PTPRD: variants seen among roughly 807,000 people sequenced by gnomAD.
The protein encoded by PTPRD is protein tyrosine phosphatase receptor type D.
PTPRD carries 34 observed loss-of-function variants against 214.5 expected under a neutral mutation model. The ratio of observed to expected loss-of-function variants is 0.16; its 90% CI spans 0.12 to 0.21. The LOEUF (loss-of-function observed/expected upper bound fraction) is 0.21. PTPRD is among the 10% of genes least tolerant of loss of function. The pLI is 1.00. For synonymous variants in PTPRD, 1,128 were observed against 845.7 expected (o/e 1.33, Z -5.79); for missense variants, 2,545 against 2,398.7 (o/e 1.06, Z -1.27).
intron 3 of PTPRD, among the ~76,000 whole-genome samples, chr9:10,114,870 T>A (rs559110343): frequency 7.2e-5 from 11 of 152,132 alleles, no homozygotes; most frequent in Admixed American, 3.9e-4. Context: ...TACTTTAGAA[T>A]ATCAATAGCA....
At position 9,234,063 on chromosome 9, in the gene PTPRD, G is replaced by A. The variant is rs368999886; in HGVS notation, c.-202-50700C>T. Among the ~76,000 whole-genome samples the A allele has an allele frequency of 6.7e-3, 1,024 of 152,286 alleles. 10 individuals are homozygous for A. The highest frequency in any genetic ancestry group is 0.023 in the African/African-American group (956 of 41,570). ...CAACCCCACATTTCCCTTCTGCACT[G>A]CCCTAGCAGAGGTTCTCCATGAGGG... On this transcript the variant is annotated intron_variant, in intron 9 of 45. Transcript: ENST00000381196.
intron 8 of PTPRD, among the ~76,000 whole-genome samples, chr9:9,429,028 G>A (rs112154423): frequency 0.065 from 9,968 of 152,218 alleles, 361 homozygotes; most frequent in Middle Eastern, 0.17. Flanking sequence ...TCAAAAGCTA[G>A]CGGAAGTCAA....
intron 8 of PTPRD, among the ~76,000 whole-genome samples, chr9:9,428,862 A>G (rs1476649848): frequency 6.6e-6 from 1 of 152,228 alleles, no homozygotes. Flanking sequence ...CAGTGAAAAC[A>G]AAGACACAAC....
chr9:8,916,842 C>T (rs954050107), intron 11 of PTPRD, among the ~76,000 whole-genome samples: 1 of 152,076 alleles, frequency 6.6e-6, no homozygotes, highest in East Asian at 1.9e-4. Flanking sequence ...TAGTGAATTA[C>T]AAGAAATATT....
intron 42 of PTPRD, among the ~76,000 whole-genome samples, chr9:8,339,834 T>TC (rs1850748435): frequency 4.7e-5 from 4 of 86,016 alleles, no homozygotes; most frequent in Non-Finnish European, 2.9e-5. Context: ...TATGTGTATT[T>TC]CAAAAAAAAA....
chr9:9,494,154 G>T (rs1257282265), intron 8 of PTPRD, among the ~76,000 whole-genome samples: 1 of 152,172 alleles, frequency 6.6e-6, no homozygotes, highest in African/African-American at 2.4e-5. Flanking sequence ...AATACATGAG[G>T]AGTTGCTTCT....
Position 8,352,571 on chromosome 9 carries a change from C to G in PTPRD, c.4662-10593G>C, listed in dbSNP as rs76564287. ...TGCTCAACCCAAAGGAAGTTACAAT[C>G]ACATGGACTACGTACAACGTGTGCA... On this transcript the variant is annotated intron_variant, in intron 39 of 45. Transcript: ENST00000381196. Among the ~76,000 whole-genome samples the G allele has an allele frequency of 1.9e-3, 282 of 152,206 alleles. 3 individuals carry two copies. The highest frequency in any genetic ancestry group is 6.7e-3 in the African/African-American group (278 of 41,526).
chr9:8,954,146 T>C (rs1588784481), intron 11 of PTPRD, among the ~76,000 whole-genome samples: 2 of 151,982 alleles, frequency 1.3e-5, no homozygotes, highest in Non-Finnish European at 1.5e-5. Flanking sequence ...ATATATATCA[T>C]GGAATACAAT....
intron 11 of PTPRD, among the ~76,000 whole-genome samples, chr9:8,790,607 C>T (rs188168419): frequency 3.8e-4 from 58 of 152,098 alleles, no homozygotes; most frequent in Admixed American, 2.8e-3. Context: ...ATGCTTTGTA[C>T]GTACTAGATG....
intron 14 of PTPRD, among the ~76,000 whole-genome samples, chr9:8,606,212 C>G (rs1297858975): frequency 2.0e-5 from 3 of 151,952 alleles, no homozygotes; most frequent in Non-Finnish European, 4.4e-5. Context: ...GAAAAGTGTC[C>G]AAATAACTGT....
intron 7 of PTPRD, among the ~76,000 whole-genome samples, chr9:9,656,073 A>G (rs1448214025): frequency 6.6e-6 from 1 of 152,224 alleles, no homozygotes; most frequent in African/African-American, 2.4e-5. Flanking sequence ...ACAATGCGGT[A>G]CCACTACGAT....
intron 8 of PTPRD, among the ~76,000 whole-genome samples, chr9:9,546,978 A>T (rs983253789): frequency 2.0e-5 from 3 of 151,842 alleles, no homozygotes; most frequent in African/African-American, 4.8e-5. Context: ...TAAAAAAAAA[A>T]ATAAAAATAA....
At chr9:9,134,659 A>G (rs2099848125) in intron 10 of PTPRD, among the ~76,000 whole-genome samples, 1 of 152,190 alleles carries the variant, frequency 6.6e-6, no homozygotes, top group African/African-American at 2.4e-5. Context: ...TTCTCCTCCC[A>G]GGACACTCAT....
At chr9:8,837,906 A>G (rs1012278051) in intron 11 of PTPRD, among the ~76,000 whole-genome samples, 1 of 152,190 alleles carries the variant, frequency 6.6e-6, no homozygotes, top group Non-Finnish European at 1.5e-5. Flanking sequence ...CAGTATAATA[A>G]AAGTTGACTA....
At chr9:9,794,332 C>T (rs1398258661) in intron 5 of PTPRD, among the ~76,000 whole-genome samples, 1 of 151,618 alleles carries the variant, frequency 6.6e-6, no homozygotes, top group Non-Finnish European at 1.5e-5. Flanking sequence ...AAGGACTAGG[C>T]CTTAAAGGAT....
intron 34 of PTPRD, among the ~76,000 whole-genome samples, chr9:8,440,324 T>C (rs571068682): frequency 6.5e-4 from 99 of 152,116 alleles, no homozygotes; most frequent in African/African-American, 2.3e-3. Context: ...GTATTATTTT[T>C]TTTTTTTTTG....
chr9:10,371,137 T>C (rs1309155078), intron 2 of PTPRD, among the ~76,000 whole-genome samples: 1 of 151,964 alleles, frequency 6.6e-6, no homozygotes, highest in Non-Finnish European at 1.5e-5. Flanking sequence ...ATATCTCCAT[T>C]TTTCTAAATT....
intron 2 of PTPRD, among the ~76,000 whole-genome samples, chr9:10,581,003 G>T (rs990650875): frequency 6.6e-6 from 1 of 152,106 alleles, no homozygotes; most frequent in Admixed American, 6.5e-5. Flanking sequence ...AGCCTATATT[G>T]CAAACCTGGG....
chr9:9,420,617 G>A (rs1569568166), intron 8 of PTPRD, among the ~76,000 whole-genome samples: 3 of 151,850 alleles, frequency 2.0e-5, no homozygotes, highest in South Asian at 2.1e-4. Context: ...AATGTTTAAT[G>A]CAAGCTTCTT....
Sources: gnomAD v4.1 joint callset for allele counts (sites outside exome capture counted in the v4.1 genomes callset) on GRCh38, gnomAD v4.1.1 for gene constraint, MANE v1.5 for transcripts, NCBI Gene and HGNC (gene_info 2026-07-23, HGNC 2026-07-21) for gene names.